DLG2: variants seen among roughly 807,000 people sequenced by gnomAD.
DLG2 encodes discs large MAGUK scaffold protein 2, also known as disks large homolog 2.
Under a neutral mutation model 132.5 loss-of-function variants are expected in DLG2, and 45 were observed. The ratio of observed to expected loss-of-function variants is 0.34; its 90% CI spans 0.27 to 0.44. DLG2 has a LOEUF of 0.44. DLG2 is among the 20% of genes least tolerant of loss of function. The pLI, the probability that DLG2 is intolerant of heterozygous loss-of-function variation, is 1.00. For synonymous variants in DLG2, 424 were observed against 419.6 expected, an observed-to-expected ratio of 1.01 and a Z score of -0.13; for missense variants, 1,045 against 1,196.9, an observed-to-expected ratio of 0.87 and a Z score of 1.87.
chr11:84,500,024 C>T (rs1457078374), intron 7 of DLG2, among the ~76,000 whole-genome samples: 5 of 151,260 alleles, frequency 3.3e-5, no homozygotes, highest in Admixed American at 2.6e-4. Flanking sequence ...TCTGGAGATA[C>T]GGAGATGAAA....
At chr11:84,073,519 C>G (rs371175514) in intron 10 of DLG2, among the ~76,000 whole-genome samples, 78 of 152,218 alleles carry the variant, frequency 5.1e-4, no homozygotes, top group African/African-American at 1.8e-3. Flanking sequence ...GCACTGAGGA[C>G]ACAGTTGCCA....
chr11:85,221,424 CAGAT>C (rs1319851755), intron 4 of DLG2, among the ~76,000 whole-genome samples: 2 of 152,142 alleles, frequency 1.3e-5, no homozygotes, highest in Non-Finnish European at 2.9e-5. Context: ...GAGTATTAGA[CAGAT>C]AGAATATTAG....
At chr11:83,676,554 G>T (rs1214729467) in intron 18 of DLG2, among the ~76,000 whole-genome samples, 2 of 152,138 alleles carry the variant, frequency 1.3e-5, no homozygotes, top group Non-Finnish European at 2.9e-5. Flanking sequence ...ACTTTCATAT[G>T]CATGAGAGCA....
chr11:85,418,161 T>C (rs2090017597), intron 3 of DLG2, among the ~76,000 whole-genome samples: 1 of 152,224 alleles, frequency 6.6e-6, no homozygotes, highest in South Asian at 2.1e-4. Flanking sequence ...CTCATTGGTT[T>C]CAAAGAACTT....
intron 6 of DLG2, among the ~76,000 whole-genome samples, chr11:85,001,185 C>T (rs1411705686): frequency 6.6e-6 from 1 of 151,544 alleles, no homozygotes; most frequent in Admixed American, 6.6e-5. Flanking sequence ...CCTCGATCTC[C>T]CACGTTCAAG....
At chr11:85,152,051 T>C (rs1369416992) in intron 5 of DLG2, among the ~76,000 whole-genome samples, 3 of 152,130 alleles carry the variant, frequency 2.0e-5, no homozygotes, top group Non-Finnish European at 4.4e-5. Context: ...AAAGAACAGT[T>C]ACCAGAAAAA....
chr11:84,036,343 T>C (rs901239768), intron 11 of DLG2, among the ~76,000 whole-genome samples: 7 of 152,138 alleles, frequency 4.6e-5, no homozygotes, highest in African/African-American at 1.7e-4. Flanking sequence ...GCTGATATCC[T>C]TCATGAAAAT....
intron 10 of DLG2, among the ~76,000 whole-genome samples, chr11:84,097,788 G>A (rs577045143): frequency 6.6e-6 from 1 of 152,206 alleles, no homozygotes; most frequent in South Asian, 2.1e-4. Flanking sequence ...CCTAGCAGGG[G>A]TGCTAAAAGT....
chr11:84,357,075 G>A (rs888306419), intron 7 of DLG2, among the ~76,000 whole-genome samples: 6 of 151,932 alleles, frequency 3.9e-5, no homozygotes, highest in Non-Finnish European at 8.8e-5. Context: ...AAAAGTAATT[G>A]ATTTGGAGCC....
chr11:83,859,165 G>T (rs1484645288), intron 16 of DLG2, among the ~76,000 whole-genome samples: 1 of 152,198 alleles, frequency 6.6e-6, no homozygotes, highest in South Asian at 2.1e-4. Context: ...AACTAATACA[G>T]TAAATTGGTT....
chr11:84,741,335 T>G (rs542488620), intron 6 of DLG2, among the ~76,000 whole-genome samples: 2 of 152,116 alleles, frequency 1.3e-5, no homozygotes, highest in South Asian at 4.2e-4. Flanking sequence ...ATTACAGGCG[T>G]GAGCCACCGC....
At chr11:84,537,338 G>A (rs988228940) in intron 6 of DLG2, among the ~76,000 whole-genome samples, 57 of 151,968 alleles carry the variant, frequency 3.8e-4, no homozygotes, top group East Asian at 1.9e-4. Flanking sequence ...AACTCTTACC[G>A]CAGGTGATCC....
chr11:83,904,498 T>C (rs567834573), intron 15 of DLG2, among the ~76,000 whole-genome samples: 1 of 152,270 alleles, frequency 6.6e-6, no homozygotes, highest in East Asian at 1.9e-4. Flanking sequence ...GATCTGATTA[T>C]ATAATTCTTG....
At chr11:83,711,334 T>C (rs947732406) in intron 18 of DLG2, among the ~76,000 whole-genome samples, 4 of 152,216 alleles carry the variant, frequency 2.6e-5, no homozygotes, top group Non-Finnish European at 5.9e-5. Context: ...GACAGATAAC[T>C]AGCTTCCCAG....
chr11:84,879,535 T>C (rs1009962605), intron 6 of DLG2, among the ~76,000 whole-genome samples: 5 of 152,104 alleles, frequency 3.3e-5, no homozygotes, highest in Non-Finnish European at 5.9e-5. Flanking sequence ...ATGATGAAGA[T>C]GTCAAGAGAC....
At chr11:85,296,723 TGGTCCAGTAAGTGAC>T (rs2079245215) in intron 3 of DLG2, among the ~76,000 whole-genome samples, 1 of 151,430 alleles carries the variant, frequency 6.6e-6, no homozygotes, top group Non-Finnish European at 1.5e-5. Flanking sequence ...CACCTGGAAT[TGGTCCAGTAAGTGAC>T]AGCTGATGGC....
intron 3 of DLG2, among the ~76,000 whole-genome samples, chr11:85,312,018 C>T (rs2080345874): frequency 6.6e-6 from 1 of 151,994 alleles, no homozygotes. Flanking sequence ...CTCTTTATCT[C>T]TACAAGGAAT....
At chr11:84,047,746 A>C (rs1208720412) in intron 11 of DLG2, among the ~76,000 whole-genome samples, 1 of 151,678 alleles carries the variant, frequency 6.6e-6, no homozygotes, top group Non-Finnish European at 1.5e-5. Context: ...TAAACAGCAA[A>C]TAAGAAAACT....
At chr11:83,889,002 C>A (rs2068836641) in intron 15 of DLG2, among the ~76,000 whole-genome samples, 1 of 151,994 alleles carries the variant, frequency 6.6e-6, no homozygotes, top group Admixed American at 6.6e-5. Context: ...CCATAAAAAC[C>A]CTAGAAGAAA....
Sources: allele counts gnomAD v4.1 joint callset (sites outside exome capture counted in the v4.1 genomes callset), GRCh38; gene constraint gnomAD v4.1.1; transcripts MANE v1.5; gene names NCBI Gene and HGNC (gene_info 2026-07-23, HGNC 2026-07-21).